The following CNBD2 variants were observed in gnomAD, a reference collection of about 807,000 sequenced individuals.
CNBD2 encodes the protein cyclic nucleotide-binding domain-containing protein 2.
CNBD2 carries 64 observed loss-of-function variants against 63.7 expected under a neutral mutation model. The observed-to-expected ratio is 1.00, with a 90% CI of 0.82 to 1.24. The LOEUF (loss-of-function observed/expected upper bound fraction) is 1.24, where lower values mean the gene tolerates loss of function less well. CNBD2 is among the 50% of genes most tolerant of loss of function. The pLI is 0.00. For missense variants in CNBD2, 691 were observed against 713.5 expected, an observed-to-expected ratio of 0.97 and a Z score of 0.36; for synonymous variants, 229 against 255.4, an observed-to-expected ratio of 0.90 and a Z score of 0.99.
chr20:36,022,256 T>C (rs1163282194), intron 10 of CNBD2, among the ~76,000 whole-genome samples: 2 of 140,742 alleles, frequency 1.4e-5, no homozygotes, highest in African/African-American at 5.5e-5. Flanking sequence ...TGGAGTGCAG[T>C]GGCGCAATTT....
At chr20:35,954,475 C>A, upstream of CNBD2, 1 of 1,547,072 alleles carries the variant, frequency 6.5e-7, no homozygotes, top group Non-Finnish European at 8.7e-7. Context: ...CTGCGGCAGC[C>A]GGAAGCGAAA....
At chr20:35,989,545 G>A (rs2056714120) in intron 7 of CNBD2, among the ~76,000 whole-genome samples, 1 of 152,120 alleles carries the variant, frequency 6.6e-6, no homozygotes, top group South Asian at 2.1e-4. Flanking sequence ...TGGGAGATGA[G>A]CCCTGACATA....
intron 11 of CNBD2, among the ~76,000 whole-genome samples, chr20:36,024,953 TA>T (rs2057265850): frequency 6.6e-6 from 1 of 151,798 alleles, no homozygotes; most frequent in African/African-American, 2.4e-5. Flanking sequence ...ATAATAATAA[TA>T]AAAAATAAAT....
intron 8 of CNBD2, among the ~76,000 whole-genome samples, chr20:35,998,685 A>G (rs1464326883): frequency 1.3e-5 from 2 of 151,998 alleles, no homozygotes; most frequent in East Asian, 2.0e-4. Context: ...CCTGGCCAAC[A>G]TATAGTGAAA....
chr20:36,004,681 C>T (rs1251177617), intron 8 of CNBD2, among the ~76,000 whole-genome samples: 2 of 151,954 alleles, frequency 1.3e-5, no homozygotes, highest in South Asian at 2.1e-4. Flanking sequence ...GTCCTCTCGC[C>T]TCTCCTGAGT....
At chr20:36,001,841 C>T (rs568250888) in intron 8 of CNBD2, among the ~76,000 whole-genome samples, 5,134 of 150,658 alleles carry the variant, frequency 0.034, 263 homozygotes, top group African/African-American at 0.12. Flanking sequence ...GATGGGATGG[C>T]GGCCGGGAAG....
At chr20:35,976,427 G>A (rs2056519550) in intron 3 of CNBD2, among the ~76,000 whole-genome samples, 1 of 152,172 alleles carries the variant, frequency 6.6e-6, no homozygotes, top group Non-Finnish European at 1.5e-5. Context: ...TCTCACACCT[G>A]GGTGTCAGAT....
Position 35,984,109 on chromosome 20 carries a change from A to T in CNBD2, c.535A>T (p.Lys179Ter), listed in dbSNP as rs1334455252. ...CAGTGCCTTCCTAGATCCCCACCCGAAATTGCTGCACAAGGGTAGCTGTTT... is the reference window on the plus strand; with the variant it reads ...CAGTGCCTTCCTAGATCCCCACCCGTAATTGCTGCACAAGGGTAGCTGTTT... ...GSSAFLDPHP[K>*]LLHKGSCFGE... Residue 179 changes from lysine (K) to a stop codon, truncating the protein, a stop_gained, in exon 5 of 12, where the codon AAA (lysine) becomes TAA (stop). Coordinates refer to ENST00000373973, the MANE Select transcript of CNBD2 (RefSeq NM_001365709.1). LOFTEE classifies it high-confidence loss of function. 4.3e-5 allele frequency: 70 copies of T among 1,611,678 alleles called. No homozygotes were observed. Among genetic ancestry groups the T allele is most frequent in the Non-Finnish European group, 5.7e-5 (67 of 1,178,686 alleles).
chr20:35,995,081 C>G lies in CNBD2; in HGVS notation c.899C>G (p.Pro300Arg). The change falls in exon 8 of 12, where the codon CCT (proline) becomes CGT (arginine). Residue 300 changes from proline (P) to arginine (R), a missense_variant. Physicochemically the swap from Pro to Arg is moderately radical, Grantham distance 103 (BLOSUM62 -2). Transcript: ENST00000373973. ...VLRLLDLGAS[P>R]SYRRWIWQHL... The stretch of plus-strand genomic sequence containing the variant: ...CGGCTGTTGGACCTTGGGGCCTCCC[C>G]TTCCTACCGTAGATGGATCTGGCAG... 6.2e-7 allele frequency: 1 copy of G among 1,614,136 alleles called. No individual in the cohort carries two copies. Among genetic ancestry groups the G allele is most frequent in the East Asian group, 2.2e-5 (1 of 44,882 alleles).
chr20:36,030,437 A>C lies in CNBD2; in HGVS notation c.1520A>C (p.Glu507Ala). 6.2e-7 allele frequency: 1 copy of C among 1,614,144 alleles called. No homozygotes were observed. The highest frequency in any genetic ancestry group is 2.2e-5 in the East Asian group (1 of 44,872). ...AAGGACCTGTTGCAGCTGCTCGTGG[A>C]GCCTTGCCAAAGTCAACTGTTCACT... ...FRKDLLQLLV[E>A]PCQSQLFTPN... The change falls in exon 12 of 12, where the codon GAG (glutamate) becomes GCG (alanine). Residue 507 changes from glutamate to alanine, a missense_variant. Glu to Ala is a moderately radical substitution (Grantham distance 107). Coordinates refer to ENST00000373973, the MANE Select transcript of CNBD2 (RefSeq NM_001365709.1).
chr20:36,010,525 C>G (rs1226806849), intron 9 of CNBD2, among the ~76,000 whole-genome samples: 1 of 151,770 alleles, frequency 6.6e-6, no homozygotes, highest in Non-Finnish European at 1.5e-5. Flanking sequence ...AATCCCAGCA[C>G]TCTGGGAGGC....
At chr20:35,978,619 T>C (rs772300074) in intron 3 of CNBD2, among the ~76,000 whole-genome samples, 23 of 152,040 alleles carry the variant, frequency 1.5e-4, no homozygotes, top group Non-Finnish European at 2.6e-4. Flanking sequence ...GCTGGGATTA[T>C]AGGCAAGAGC....
intron 8 of CNBD2, among the ~76,000 whole-genome samples, chr20:36,004,567 A>G (rs1373926239): frequency 6.6e-6 from 1 of 151,114 alleles, no homozygotes; most frequent in Non-Finnish European, 1.5e-5. Flanking sequence ...CTGATATTCA[A>G]TGTCTTTTTT....
intron 2 of CNBD2, 35 bp downstream of exon 2, chr20:35,972,801 C>T (rs2056441018): frequency 1.2e-6 from 2 of 1,605,284 alleles, no homozygotes; most frequent in Admixed American, 1.7e-5. Context: ...TATGAGGGCT[C>T]AAAGAAGCCC....
intron 10 of CNBD2, among the ~76,000 whole-genome samples, chr20:36,020,653 A>G (rs1340282479): frequency 1.1e-4 from 16 of 152,142 alleles, no homozygotes; most frequent in Admixed American, 9.2e-4. Context: ...TAACCCCCAC[A>G]TGCTAGGATG....
At chr20:35,988,535 G>T (rs1240905536) in intron 7 of CNBD2, among the ~76,000 whole-genome samples, 2 of 152,140 alleles carry the variant, frequency 1.3e-5, no homozygotes, top group African/African-American at 2.4e-5. Flanking sequence ...AAAAAGGGAA[G>T]AAATCATCCA....
At chr20:35,954,398 A>G (rs2056223672), upstream of CNBD2, 2 of 1,559,074 alleles carry the variant, frequency 1.3e-6, no homozygotes, top group Non-Finnish European at 1.7e-6. Context: ...AGCTCGCGTC[A>G]CCCTTGAGGG....
intron 11 of CNBD2, among the ~76,000 whole-genome samples, chr20:36,025,001 C>T (rs2057266542): frequency 6.6e-6 from 1 of 152,090 alleles, no homozygotes; most frequent in Non-Finnish European, 1.5e-5. Context: ...AATAGAAAAA[C>T]AATGACAACA....
intron 6 of CNBD2, among the ~76,000 whole-genome samples, chr20:35,986,799 G>A (rs969361370): frequency 1.3e-5 from 2 of 152,194 alleles, no homozygotes; most frequent in African/African-American, 4.8e-5. Context: ...ATGAAGGCAG[G>A]CAAGCCTGTG....
Sources: allele counts gnomAD v4.1 joint callset (sites outside exome capture counted in the v4.1 genomes callset), GRCh38; gene constraint gnomAD v4.1.1; transcripts MANE v1.5; gene names NCBI Gene and HGNC (gene_info 2026-07-23, HGNC 2026-07-21).